RNF207: variants seen among roughly 807,000 people sequenced by gnomAD.
RNF207 encodes the protein OTTHUMG00000001089.
A neutral mutation model predicts 79.0 loss-of-function variants in RNF207; 72 were observed. That is an observed-to-expected ratio of 0.91 (90% CI 0.75 to 1.11). The LOEUF is 1.11. RNF207 is among the 50% of genes least tolerant of loss of function. RNF207 has a pLI of 0.00. For synonymous variants in RNF207, 348 were observed against 366.2 expected (o/e 0.95, Z 0.57); for missense variants, 936 against 855.8 (o/e 1.09, Z -1.17).
rs1571202264 is a variant in RNF207, at chr1:6,209,338, G to A, written c.622G>A (p.Val208Met). The A allele has an allele frequency of 3.9e-6, 6 of 1,544,052 alleles. No individual in the cohort carries two copies. In the South Asian group the frequency reaches 6.0e-5, roughly 15 times the overall value. The change falls in exon 6 of 18, where the codon GTG (valine) becomes ATG (methionine). Residue 208 changes from valine to methionine, a missense_variant. By Grantham distance (21) the Val-to-Met change is conservative. Coordinates refer to ENST00000377939, the MANE Select transcript of RNF207 (RefSeq NM_207396.3). ...VQGCERLEQA[V>M]LAVKALQTAT... ...GGGCTGCGAGCGGCTGGAGCAGGCG[G>A]TGCTGGTGAGCGCAGGGGCCTGGCG...
At chr1:6,209,080 A>C (rs2100925976) in intron 4 of RNF207, 35 bp from the exon 5 acceptor site, 1 of 1,546,220 alleles carries the variant, frequency 6.5e-7, no homozygotes, top group Non-Finnish European at 8.7e-7. Flanking sequence ...GCGGGCACTG[A>C]CCGGAGCCCT....
intron 3 of RNF207, 121 bp from the exon 4 acceptor site, chr1:6,208,760 G>A: frequency 2.0e-6 from 2 of 1,007,492 alleles, no homozygotes; most frequent in Non-Finnish European, 2.8e-6. Flanking sequence ...GGAAAGGGCT[G>A]CGTTTAGCTG....
chr1:6,207,453 C>A lies in RNF207; in HGVS notation c.266C>A (p.Ser89Ter). Reference protein sequence around the residue: ...DRLLQFLVDSSGDGVEAVRCA... With the variant: ...DRLLQFLVDS The stretch of plus-strand genomic sequence containing the variant: ...CTGCTGCAGTTCCTGGTGGACAGCT[C>A]AGGGGATGGCGTGGAGGCGGTGCGC... Residue 89 changes from serine (S) to a stop codon, truncating the protein, a stop_gained, in exon 3 of 18, where the codon TCA (serine) becomes TAA (stop). Coordinates refer to ENST00000377939, the MANE Select transcript of RNF207 (RefSeq NM_207396.3). LOFTEE classifies it high-confidence loss of function. The surrounding 1 kb of genome is among the most constrained non-coding windows in gnomAD (Gnocchi z 4.5). 1 of 1,581,362 alleles carries A rather than the reference C, an allele frequency of 6.3e-7. No homozygotes were observed. Among genetic ancestry groups the A allele is most frequent in the Non-Finnish European group, 8.6e-7 (1 of 1,162,194 alleles).
chr1:6,212,908 G>A, intron 15 of RNF207, 158 bp from the exon 16 acceptor site: 1 of 766,880 alleles, frequency 1.3e-6, no homozygotes. Flanking sequence ...TGTGAGGTCA[G>A]GATTCATTGA....
At position 6,211,132 on chromosome 1, in the gene RNF207, G is replaced by T. The variant is rs547349989; in HGVS notation, c.1109+14G>T. The T allele has an allele frequency of 1.3e-6, 2 of 1,549,254 alleles. No homozygotes were observed. Among genetic ancestry groups the T allele is most frequent in the Non-Finnish European group, 1.7e-6 (2 of 1,148,416 alleles). The stretch of plus-strand genomic sequence containing the variant: ...TGGTGCTAACACGTGAGCAGCAACC[G>T]GGGAGGCCAGGCACAAGGTCCCCAA... On this transcript the variant is annotated intron_variant, in intron 12 of 17. Transcript: ENST00000377939. This position sits in a 1 kb window ranked among gnomAD's most constrained non-coding sequence, Gnocchi z 4.2.
chr1:6,207,456 G>A lies in RNF207; in HGVS notation c.269G>A (p.Gly90Glu). The A allele has an allele frequency of 6.3e-7, 1 of 1,583,806 alleles. No homozygotes were observed. The highest frequency in any genetic ancestry group is 2.2e-5 in the East Asian group (1 of 44,550). The change falls in exon 3 of 18, where the codon GGG becomes GAG. Residue 90 changes from glycine to glutamate, a missense_variant. Gly to Glu is a moderately conservative substitution (Grantham distance 98, BLOSUM62 -2). Coordinates refer to ENST00000377939, the MANE Select transcript of RNF207 (RefSeq NM_207396.3). The surrounding 1 kb of genome is among the most constrained non-coding windows in gnomAD (Gnocchi z 4.5). ...RLLQFLVDSS[G>E]DGVEAVRCAN... ...CTGCAGTTCCTGGTGGACAGCTCAG[G>A]GGATGGCGTGGAGGCGGTGCGCTGT...
At chr1:6,212,448 C>A in intron 14 of RNF207, 32 bp downstream of exon 14, 4 of 1,576,674 alleles carry the variant, frequency 2.5e-6, no homozygotes, top group Non-Finnish European at 3.5e-6. Flanking sequence ...ACTCCAGCCC[C>A]ACCTGTCAGG....
At position 6,212,049 on chromosome 1, in the gene RNF207, A is replaced by C. The variant is rs1257434011; in HGVS notation, c.1292A>C (p.Tyr431Ser). The C allele has an allele frequency of 3.8e-6, 6 of 1,595,884 alleles. No individual in the cohort carries two copies. The highest frequency in any genetic ancestry group is 5.1e-6 in the Non-Finnish European group (6 of 1,170,930). The change falls in exon 13 of 18, where the codon TAC (tyrosine) becomes TCC (serine). Residue 431 changes from tyrosine (Y) to serine (S), a missense_variant. By Grantham distance (144) the Tyr-to-Ser change is moderately radical. Transcript: ENST00000377939. ...CACTGCCGCCACTATGAGGACTCCT[A>C]CCGGGTGAGGGGGCAGGGATCTGCC... ...AEHCRHYEDS[Y>S]RHLQAEMQSL... is the part of the protein sequence containing the mutation.
intron 7 of RNF207, 124 bp downstream of exon 7, chr1:6,209,663 A>C: frequency 8.2e-7 from 1 of 1,217,376 alleles, no homozygotes; most frequent in South Asian, 1.7e-5. Context: ...ACTTTCCTGG[A>C]GTTGCTAGGA....
Position 6,211,004 on chromosome 1 carries a change from C to A in RNF207, c.1012-17C>A, listed in dbSNP as rs769310051. 81 of 1,603,324 alleles carry A rather than the reference C, an allele frequency of 5.1e-5. No individual in the cohort carries two copies. The Middle Eastern group carries it at 6.6e-4, about 13-fold the overall frequency. ...AGGGCAGTGGAGGCCACCTCATGAC[C>A]CCATCCCGCTGCCCAGATTGCCAGT... On this transcript the variant is annotated splice_polypyrimidine_tract_variant and intron_variant, in intron 11 of 17. Coordinates refer to ENST00000377939, the MANE Select transcript of RNF207 (RefSeq NM_207396.3). This position sits in a 1 kb window ranked among gnomAD's most constrained non-coding sequence, Gnocchi z 4.2.
chr1:6,209,160 T>C lies in RNF207; in HGVS notation c.515T>C (p.Leu172Ser). 2 of 1,557,536 alleles carry C rather than the reference T, an allele frequency of 1.3e-6. No homozygotes were observed. Among genetic ancestry groups the C allele is most frequent in the Non-Finnish European group, 1.7e-6 (2 of 1,150,188 alleles). The change falls in exon 5 of 18, where the codon TTG (leucine) becomes TCG (serine). Residue 172 changes from leucine (L) to serine (S), a missense_variant. By Grantham distance (145) the Leu-to-Ser change is moderately radical (BLOSUM62 -2). Transcript: ENST00000377939. ...CTCTTGTTCTCCACCGACAAGAAGT[T>C]GCTGTTGTGCATCCGCTGCTTCCGC... ...PYLLFSTDKK[L>S]LLCIRCFRDM...
Position 6,218,138 on chromosome 1 carries a change from T to C in RNF207, c.1653-151T>C. ...TGCAGGCCTGGCCCTTGCCAACCAC[T>C]GGACCTTAGTAAATATTTGAGGAGC... On this transcript the variant is annotated intron_variant, in intron 16 of 17. Transcript: ENST00000377939. 2 of 613,890 alleles carry C rather than the reference T, an allele frequency of 3.3e-6. 1 individual carries two copies. The allele number at this position is 613,890 out of a possible 1,614,324, so 38.0% of individuals were successfully genotyped here.
chr1:6,215,922 G>A (rs115680344), intron 16 of RNF207, among the ~76,000 whole-genome samples: 2,053 of 152,312 alleles, frequency 0.013, 49 homozygotes, highest in African/African-American at 0.047. Context: ...GGGCAGGGCT[G>A]GAGCCATGAG....
At position 6,207,258 on chromosome 1, in the gene RNF207, G is replaced by A. The variant is rs192613129; in HGVS notation, c.192-121G>A. 479 of 1,001,830 alleles carry A rather than the reference G, an allele frequency of 4.8e-4. No homozygotes were observed. In the African/African-American group the frequency reaches 5.4e-3, roughly 11 times the overall value. The allele number at this position is 1,001,830 out of a possible 1,614,324, so 62.1% of individuals were successfully genotyped here. On this transcript the variant is annotated intron_variant, in intron 2 of 17. Coordinates refer to ENST00000377939, the MANE Select transcript of RNF207 (RefSeq NM_207396.3). This position sits in a 1 kb window ranked among gnomAD's most constrained non-coding sequence, Gnocchi z 4.5. ...TGTGATATTTATAGCAGACCCCAGA[G>A]CTGTGGTGCACCCCACCTCCCAACA...
chr1:6,214,639 T>C (rs1241754182), intron 16 of RNF207, among the ~76,000 whole-genome samples: 2 of 136,578 alleles, frequency 1.5e-5, no homozygotes, highest in Non-Finnish European at 3.1e-5. Context: ...TCTTTTTTTT[T>C]TTTTTTTTTT....
rs1033256196 is a variant in RNF207, at chr1:6,219,142, T to C, written c.1734-94T>C. The stretch of plus-strand genomic sequence containing the variant: ...CTCACTGAGGCCTTCCAGGAAGACG[T>C]TCCATTCTGAGTGCTTTGGCCCAAG... On this transcript the variant is annotated intron_variant, in intron 17 of 17. Coordinates refer to ENST00000377939, the MANE Select transcript of RNF207 (RefSeq NM_207396.3). The C allele has an allele frequency of 1.7e-5, 20 of 1,160,320 alleles. No homozygotes were observed. The African/African-American group carries it at 2.9e-4, about 17-fold the overall frequency. The allele number at this position is 1,160,320 out of a possible 1,614,324, so 71.9% of individuals were successfully genotyped here.
chr1:6,206,844 G>T, intron 2 of RNF207, 118 bp downstream of exon 2: 4 of 792,140 alleles, frequency 5.0e-6, no homozygotes, highest in Non-Finnish European at 7.9e-6. Context: ...CAGGCAGAAC[G>T]ACTGGGAGAT....
Position 6,212,393 on chromosome 1 carries a change from G to A in RNF207, c.1459G>A (p.Gly487Ser), listed in dbSNP as rs1371734944. 6.2e-7 allele frequency: 1 copy of A among 1,611,604 alleles called. No individual in the cohort carries two copies. The highest frequency in any genetic ancestry group is 1.7e-5 in the Admixed American group (1 of 59,590). Residue 487 changes from glycine (G) to serine (S), a missense_variant, in exon 14 of 18, where the codon GGC becomes AGC. Coordinates refer to ENST00000377939, the MANE Select transcript of RNF207 (RefSeq NM_207396.3). Reference protein sequence around the residue: ...QIASEHASLEGMRVVFQEIWE... With the variant: ...QIASEHASLESMRVVFQEIWE... Reference sequence around the variant, plus strand: ...CGCCTCGGAGCACGCCTCCTTAGAGGGCATGAGGGTCGTCTTCCAGGAGGT... The same window carrying A: ...CGCCTCGGAGCACGCCTCCTTAGAGAGCATGAGGGTCGTCTTCCAGGAGGT...
Position 6,211,935 on chromosome 1 carries a change from C to T in RNF207, c.1178C>T (p.Ser393Leu), listed in dbSNP as rs999962353. The T allele has an allele frequency of 5.1e-6, 8 of 1,554,006 alleles. No homozygotes were observed. The highest frequency in any genetic ancestry group is 1.7e-4 in the Middle Eastern group (1 of 5,946). ...PHCPSPVGKM[S>L]GSPVQKPTLH... Reference sequence around the variant, plus strand: ...TGCCCCTCCCCAGTAGGAAAGATGTCGGGGTCACCCGTCCAAAAGCCCACG... The same window carrying T: ...TGCCCCTCCCCAGTAGGAAAGATGTTGGGGTCACCCGTCCAAAAGCCCACG... Residue 393 changes from serine (S) to leucine (L), a missense_variant, in exon 13 of 18, where the codon TCG becomes TTG. Coordinates refer to ENST00000377939, the MANE Select transcript of RNF207 (RefSeq NM_207396.3). The surrounding 1 kb of genome is among the most constrained non-coding windows in gnomAD (Gnocchi z 4.2).
Sources: gnomAD v4.1 joint callset for allele counts (sites outside exome capture counted in the v4.1 genomes callset) on GRCh38, gnomAD v4.1.1 for gene constraint, Gnocchi (gnomAD v3.1) non-coding constraint, MANE v1.5 for transcripts, NCBI Gene and HGNC (gene_info 2026-07-23, HGNC 2026-07-21) for gene names.